Variants in ZFHX4 observed in about 807,000 individuals in gnomAD.
ZFHX4 encodes the protein zinc finger homeobox protein 4.
ZFHX4 carries 56 observed loss-of-function variants against 267.6 expected under a neutral mutation model. The observed-to-expected ratio is 0.21, with a 90% CI of 0.17 to 0.26. The LOEUF (loss-of-function observed/expected upper bound fraction) is 0.26, where lower values mean the gene tolerates loss of function less well. Ranked by LOEUF, ZFHX4 falls within the 10% of genes least tolerant of loss-of-function variation. The pLI is 1.00. For missense variants in ZFHX4, 4,332 were observed against 4,420.0 expected (o/e 0.98, Z 0.56); for synonymous variants, 1,778 against 1,665.6 (o/e 1.07, Z -1.64).
chr8:76,765,909 C>T (rs1810039196), intron 3 of ZFHX4, among the ~76,000 whole-genome samples: 1 of 152,012 alleles, frequency 6.6e-6, no homozygotes, highest in African/African-American at 2.4e-5. Flanking sequence ...GAAGAAGCAT[C>T]CAAAACTTAG....
In ZFHX4 at chr8:76,747,230, CA is replaced by C. The variant is rs575477519; in HGVS notation, c.3094-30974del. Reference sequence around the variant, plus strand: ...AAAGAATATATCACTGTAAACATAACAAAAGAAAATAAAGCATGCTCTATTA... The same window carrying C: ...AAAGAATATATCACTGTAAACATAACAAAGAAAATAAAGCATGCTCTATTA... On this transcript the variant is annotated intron_variant, in intron 3 of 10. Coordinates refer to ENST00000651372, the MANE Select transcript of ZFHX4 (RefSeq NM_024721.5). 3.1e-3 allele frequency among the ~76,000 whole-genome samples: 475 copies of C among 152,162 alleles called. 3 individuals carry two copies. Among genetic ancestry groups the C allele is most frequent in the Admixed American group, 6.3e-3 (97 of 15,278 alleles).
chr8:76,778,558 G>A lies in ZFHX4; in HGVS notation c.3325+119G>A, dbSNP rs1171215618. 10 of 815,970 alleles carry A rather than the reference G, an allele frequency of 1.2e-5. No homozygotes were observed. In the South Asian group the frequency reaches 1.4e-4, roughly 11 times the overall value. 50.5% of individuals were successfully genotyped at this position (815,970 alleles called of 1,614,324 possible). On this transcript the variant is annotated intron_variant, in intron 4 of 10. Transcript: ENST00000651372. ...CTCTCCAACTCGAGCCTGTCCCCCA[G>A]TGTAAAACACGGCAGCTCTTAATCT...
At chr8:76,831,231 A>G (rs772210599) in intron 4 of ZFHX4, among the ~76,000 whole-genome samples, 1 of 152,196 alleles carries the variant, frequency 6.6e-6, no homozygotes, top group Non-Finnish European at 1.5e-5. Flanking sequence ...TTTAAGGAAT[A>G]GCAGTTATTT....
rs182862754 is a variant in ZFHX4 at position 76,801,599 on chromosome 8, A to G, written c.3325+23160A>G. On this transcript the variant is annotated intron_variant, in intron 4 of 10. Coordinates refer to ENST00000651372, the MANE Select transcript of ZFHX4 (RefSeq NM_024721.5). ...TTCTAACCAAAATAGAAAGAATTCC[A>G]TATGGGCCAGCTTCATTTTCATCAC... is the stretch of plus-strand genomic sequence containing the variant. 1.8e-3 allele frequency among the ~76,000 whole-genome samples: 281 copies of G among 152,298 alleles called. 1 individual carries two copies. The highest frequency in any genetic ancestry group is 4.0e-3 in the Admixed American group (61 of 15,280).
At chr8:76,835,163 T>C (rs1382873190) in intron 5 of ZFHX4, among the ~76,000 whole-genome samples, 1 of 141,244 alleles carries the variant, frequency 7.1e-6, no homozygotes, top group East Asian at 2.2e-4. Context: ...ATTCATTGGA[T>C]TTTGTATAGT....
rs753502035 is a variant in ZFHX4, at chr8:76,851,504, A to G, written c.4583A>G (p.Asn1528Ser). Residue 1528 changes from asparagine to serine, a missense_variant, in exon 10 of 11, where the codon AAT (asparagine) becomes AGT (serine). This residue lies in a region of ZFHX4 where 1,371 missense variants were observed against 1,423.1 expected (regional missense o/e 0.96). Coordinates refer to ENST00000651372, the MANE Select transcript of ZFHX4 (RefSeq NM_024721.5). ...KRTLPFRKGP[N>S]FTMEKFLDPS... is the part of the protein sequence containing the mutation. ...ACCTTACCTTTTAGAAAAGGGCCCAATTTTACGATGGAAAAATTCCTTGAT... is the reference window on the plus strand; with the variant it reads ...ACCTTACCTTTTAGAAAAGGGCCCAGTTTTACGATGGAAAAATTCCTTGAT... The G allele has an allele frequency of 2.5e-6, 4 of 1,613,922 alleles. No individual in the cohort carries two copies. The Admixed American group carries it at 6.7e-5, about 27-fold the overall frequency.
In ZFHX4 at chr8:76,829,269, A is replaced by T. The variant is rs994445875; in HGVS notation, c.3326-4069A>T. On this transcript the variant is annotated intron_variant, in intron 4 of 10. Transcript: ENST00000651372. ...ATAGTTTTGCAAAATTGTTATCCCA[A>T]TTAGCCGGGGCGGGGGGCGGGTAGG... Among the ~76,000 whole-genome samples the T allele has an allele frequency of 2.5e-5, 3 of 117,778 alleles. No individual in the cohort carries two copies. In the South Asian group the frequency reaches 9.4e-4, roughly 37 times the overall value. The allele number at this position is 117,778 out of a possible 152,430, so 77.3% of individuals were successfully genotyped here. A position where few individuals can be genotyped will look rare whatever the true frequency, so the allele number is the denominator to read the frequency against.
intron 4 of ZFHX4, among the ~76,000 whole-genome samples, chr8:76,823,412 T>C (rs1811705490): frequency 6.6e-6 from 1 of 152,184 alleles, no homozygotes; most frequent in South Asian, 2.1e-4. Flanking sequence ...TAAATAAACA[T>C]TTCATGGATA....
intron 4 of ZFHX4, among the ~76,000 whole-genome samples, chr8:76,801,683 A>C (rs1811121035): frequency 1.3e-5 from 2 of 152,194 alleles, no homozygotes; most frequent in African/African-American, 4.8e-5. Flanking sequence ...CGTTGCTGTA[A>C]ATAATAAAAA....
At chr8:76,726,655 T>A (rs1043736305) in intron 3 of ZFHX4, among the ~76,000 whole-genome samples, 1 of 152,178 alleles carries the variant, frequency 6.6e-6, no homozygotes, top group Non-Finnish European at 1.5e-5. Flanking sequence ...ATAACAATTA[T>A]AGAGAATGAG....
chr8:76,742,344 G>T (rs760463741), intron 3 of ZFHX4, among the ~76,000 whole-genome samples: 1 of 151,988 alleles, frequency 6.6e-6, no homozygotes, highest in Admixed American at 6.6e-5. Flanking sequence ...CAATTTTGGC[G>T]GCAATATCGA....
Position 76,707,651 on chromosome 8 carries a change from C to A in ZFHX4, c.2696C>A (p.Pro899Gln). ...AGELSPYISDPALKLFQCAVC... is the reference protein window; with the variant it reads ...AGELSPYISDQALKLFQCAVC... ...GAGCTGTCACCTTATATCAGTGACCCAGCGCTGAAGCTATTCCAGTGTGCT... is the reference window on the plus strand; with the variant it reads ...GAGCTGTCACCTTATATCAGTGACCAAGCGCTGAAGCTATTCCAGTGTGCT... The change falls in exon 3 of 11, where the codon CCA becomes CAA. Residue 899 changes from proline (P) to glutamine (Q), a missense_variant. Physicochemically the swap from Pro to Gln is moderately conservative, Grantham distance 76. This residue lies in a region of ZFHX4 where 1,195 missense variants were observed against 1,173.6 expected (regional missense o/e 1.02). Coordinates refer to ENST00000651372, the MANE Select transcript of ZFHX4 (RefSeq NM_024721.5). 1 of 1,613,816 alleles carries A rather than the reference C, an allele frequency of 6.2e-7. No individual in the cohort carries two copies. The highest frequency in any genetic ancestry group is 8.5e-7 in the Non-Finnish European group (1 of 1,179,880).
At chr8:76,774,574 C>T (rs1350942496) in intron 3 of ZFHX4, among the ~76,000 whole-genome samples, 5 of 151,492 alleles carry the variant, frequency 3.3e-5, no homozygotes, top group African/African-American at 1.2e-4. Flanking sequence ...ATGTAAAAAC[C>T]TAAAGGAGAT....
chr8:76,682,014 G>C (rs1807543872), intron 1 of ZFHX4, among the ~76,000 whole-genome samples: 2 of 152,150 alleles, frequency 1.3e-5, no homozygotes, highest in South Asian at 2.1e-4. Context: ...CCTTTTCCCT[G>C]TCTTTTCGGG....
intron 6 of ZFHX4, among the ~76,000 whole-genome samples, chr8:76,843,411 T>C (rs1285381842): frequency 6.6e-6 from 1 of 152,166 alleles, no homozygotes; most frequent in Admixed American, 6.6e-5. Context: ...CAAATCCCAG[T>C]AATGAAAGCT....
intron 4 of ZFHX4, among the ~76,000 whole-genome samples, chr8:76,803,409 T>C: frequency 6.6e-6 from 1 of 152,084 alleles, no homozygotes; most frequent in East Asian, 1.9e-4. Context: ...TAAACTGCAT[T>C]TATATAATTA....
intron 3 of ZFHX4, among the ~76,000 whole-genome samples, chr8:76,758,460 G>A (rs111446634): frequency 2.6e-4 from 40 of 152,132 alleles, no homozygotes; most frequent in African/African-American, 8.7e-4. Context: ...GGGTTTTTGG[G>A]CAAATGTTAT....
chr8:76,764,472 T>A (rs1213789550), intron 3 of ZFHX4, among the ~76,000 whole-genome samples: 1 of 152,170 alleles, frequency 6.6e-6, no homozygotes, highest in Non-Finnish European at 1.5e-5. Context: ...TGATTAAACA[T>A]TGGTACATGC....
Position 76,704,393 on chromosome 8 carries a change from A to C in ZFHX4, c.305A>C (p.Asn102Thr). The C allele has an allele frequency of 4.3e-6, 7 of 1,614,008 alleles. No individual in the cohort carries two copies. Among genetic ancestry groups the C allele is most frequent in the Non-Finnish European group, 5.9e-6 (7 of 1,179,892 alleles). Residue 102 changes from asparagine to threonine, a missense_variant, in exon 2 of 11, where the codon AAT becomes ACT. Asn to Thr is a moderately conservative substitution (Grantham distance 65). This residue lies in a region of ZFHX4 where 1,195 missense variants were observed against 1,173.6 expected (regional missense o/e 1.02). Transcript: ENST00000651372. ...AAATACATGGAACACCACTGCCCTA[A>C]TGCCCGCCTTCCTGTCCTGAAGGAT... is the stretch of plus-strand genomic sequence containing the variant. ...LQKYMEHHCPNARLPVLKDDN... is the reference protein window; with the variant it reads ...LQKYMEHHCPTARLPVLKDDN...
Sources: gnomAD v4.1 joint callset for allele counts (sites outside exome capture counted in the v4.1 genomes callset) on GRCh38, gnomAD v4.1.1 for gene constraint, gnomAD v4.1.1 regional missense constraint, MANE v1.5 for transcripts, NCBI Gene and HGNC (gene_info 2026-07-23, HGNC 2026-07-21) for gene names.